Variants in MDGA2 observed in about 807,000 individuals in gnomAD.
The protein encoded by MDGA2 is MAM domain-containing glycosylphosphatidylinositol anchor protein 2.
MDGA2 carries 40 observed loss-of-function variants against 117.8 expected under a neutral mutation model. The ratio of observed to expected loss-of-function variants is 0.34; its 90% confidence interval spans 0.26 to 0.44. The LOEUF (loss-of-function observed/expected upper bound fraction) is 0.44. Ranked by LOEUF, MDGA2 falls within the 20% of genes least tolerant of loss-of-function variation. The pLI is 1.00. For synonymous variants in MDGA2, 452 were observed against 439.0 expected, an observed-to-expected ratio of 1.03 and a Z score of -0.37; for missense variants, 1,123 against 1,250.6, an observed-to-expected ratio of 0.90 and a Z score of 1.54.
chr14:47,035,699 C>A (rs1483776812), intron 7 of MDGA2, among the ~76,000 whole-genome samples: 1 of 152,048 alleles, frequency 6.6e-6, no homozygotes, highest in Admixed American at 6.6e-5. Context: ...AAAAGAGAAA[C>A]CTCTGATCTA....
intron 1 of MDGA2, among the ~76,000 whole-genome samples, chr14:47,604,866 T>C (rs1231027791): frequency 6.6e-6 from 1 of 152,104 alleles, no homozygotes; most frequent in African/African-American, 2.4e-5. Context: ...GAGGCTGAAA[T>C]GCCACATAGA....
chr14:47,522,461 AATAATTTTAT>A, intron 1 of MDGA2, among the ~76,000 whole-genome samples: 1 of 152,212 alleles, frequency 6.6e-6, no homozygotes, highest in South Asian at 2.1e-4. Flanking sequence ...TTCTGCTTTA[AATAATTTTAT>A]ACATGCAGTT....
intron 1 of MDGA2, among the ~76,000 whole-genome samples, chr14:47,438,848 C>A (rs2138542498): frequency 6.6e-6 from 1 of 152,248 alleles, no homozygotes; most frequent in Non-Finnish European, 1.5e-5. Flanking sequence ...AAAAAAGTCT[C>A]TCTCTGCTTC....
chr14:47,270,083 G>T (rs1888096745), intron 2 of MDGA2, among the ~76,000 whole-genome samples: 1 of 152,128 alleles, frequency 6.6e-6, no homozygotes, highest in Admixed American at 6.5e-5. Flanking sequence ...GCTGCTGTGG[G>T]GTTGATCTCA....
At chr14:46,894,751 T>A (rs1035430260) in intron 10 of MDGA2, among the ~76,000 whole-genome samples, 1 of 152,152 alleles carries the variant, frequency 6.6e-6, no homozygotes, top group African/African-American at 2.4e-5. Context: ...ATTACTCCCA[T>A]CTGTTAAAGC....
At chr14:47,645,110 T>C (rs971673281) in intron 1 of MDGA2, among the ~76,000 whole-genome samples, 2 of 152,186 alleles carry the variant, frequency 1.3e-5, no homozygotes, top group Admixed American at 6.5e-5. Flanking sequence ...TTCTGACTTC[T>C]AGAACTTAAG....
At chr14:47,430,001 G>A (rs983282560) in intron 1 of MDGA2, among the ~76,000 whole-genome samples, 2 of 149,450 alleles carry the variant, frequency 1.3e-5, no homozygotes, top group Non-Finnish European at 3.0e-5. Context: ...AGTCCCTGAG[G>A]TGGGAAAGAG....
chr14:47,046,059 C>T (rs951628210), intron 7 of MDGA2, among the ~76,000 whole-genome samples: 5 of 150,770 alleles, frequency 3.3e-5, no homozygotes, highest in South Asian at 4.2e-4. Flanking sequence ...TGCTAAATGA[C>T]GAGTTAATGG....
At chr14:47,355,539 A>T (rs1890974753) in intron 1 of MDGA2, among the ~76,000 whole-genome samples, 1 of 152,098 alleles carries the variant, frequency 6.6e-6, no homozygotes, top group Non-Finnish European at 1.5e-5. Context: ...GTACCAGAAA[A>T]GGACCCTATA....
At position 46,971,023 on chromosome 14, in the gene MDGA2, AC is replaced by A. The variant is rs112007749; in HGVS notation, c.1820-13381del. 3.6e-3 allele frequency among the ~76,000 whole-genome samples: 542 copies of A among 152,214 alleles called. 6 individuals are homozygous for A. The highest frequency in any genetic ancestry group is 0.012 in the African/African-American group (513 of 41,540). Reference sequence around the variant, plus strand: ...CCTTACCCCAGTTAGAATGGCTATTACTAAAAAGACAAAAAACAAAACAAAA... The same window carrying A: ...CCTTACCCCAGTTAGAATGGCTATTATAAAAAGACAAAAAACAAAACAAAA... On this transcript the variant is annotated intron_variant, in intron 8 of 16. Coordinates refer to ENST00000399232, the MANE Select transcript of MDGA2 (RefSeq NM_001113498.3).
rs548556679 is a variant in MDGA2 at position 46,840,253 on chromosome 14, C to T, written c.*1678G>A. ...GCTTTTATATTAATATTTGCAAATG[C>T]TATAATTTAATACTTATATTCCAAT... On this transcript the variant is annotated 3_prime_UTR_variant, in exon 17 of 17. Coordinates refer to ENST00000399232, the MANE Select transcript of MDGA2 (RefSeq NM_001113498.3). 150 of 152,462 alleles carry T rather than the reference C, an allele frequency of 9.8e-4. No homozygotes were observed. Among genetic ancestry groups the T allele is most frequent in the Non-Finnish European group, 1.6e-3 (106 of 67,922 alleles). The allele number at this position is 152,462 out of a possible 1,614,324, so 9.4% of individuals were successfully genotyped here. A position where few individuals can be genotyped will look rare whatever the true frequency, so the allele number is the denominator to read the frequency against.
chr14:47,498,637 G>A (rs1015323960), intron 1 of MDGA2, among the ~76,000 whole-genome samples: 3 of 151,814 alleles, frequency 2.0e-5, no homozygotes, highest in African/African-American at 4.8e-5. Flanking sequence ...ACTCAAGTCA[G>A]GAAAAAAATA....
In MDGA2 at chr14:47,158,357, G is replaced by GGGGT. The variant is rs1317221076; in HGVS notation, c.596-14087_596-14084dup. Among the ~76,000 whole-genome samples the GGGGT allele has an allele frequency of 2.4e-4, 31 of 127,768 alleles. 1 individual carries two copies. Among genetic ancestry groups the GGGGT allele is most frequent in the African/African-American group, 7.8e-4 (26 of 33,536 alleles). 83.8% of individuals were successfully genotyped at this position (127,768 alleles called of 152,430 possible). A position where few individuals can be genotyped will look rare whatever the true frequency, so the allele number is the denominator to read the frequency against. ...GGCACATTTCTCAGAACATATCCCT[G>GGGGT]GGGTGGGTGTGTGTGTGTGTGTGTG... On this transcript the variant is annotated intron_variant, in intron 3 of 16. Transcript: ENST00000399232.
In MDGA2 at chr14:46,902,064, CTTA is replaced by C. The variant is rs554780146; in HGVS notation, c.2238+17945_2238+17947del. ...CCCTTTTAGGGATATAAAACCATGACTTATTATTTGCCCTCATTTTCCCCTTGT... is the reference window on the plus strand; with the variant it reads ...CCCTTTTAGGGATATAAAACCATGACTTATTTGCCCTCATTTTCCCCTTGT... On this transcript the variant is annotated intron_variant, in intron 10 of 16. Coordinates refer to ENST00000399232, the MANE Select transcript of MDGA2 (RefSeq NM_001113498.3). 4.6e-5 allele frequency among the ~76,000 whole-genome samples: 7 copies of C among 152,244 alleles called. No individual in the cohort carries two copies. The East Asian group carries it at 7.7e-4, about 17-fold the overall frequency.
intron 8 of MDGA2, among the ~76,000 whole-genome samples, chr14:46,966,569 C>G (rs944931084): frequency 9.9e-5 from 15 of 152,126 alleles, no homozygotes; most frequent in African/African-American, 3.6e-4. Flanking sequence ...GAATCAAATT[C>G]AAACTGCAGT....
At chr14:47,183,262 C>T (rs1304432177) in intron 3 of MDGA2, among the ~76,000 whole-genome samples, 1 of 152,078 alleles carries the variant, frequency 6.6e-6, no homozygotes, top group Admixed American at 6.6e-5. Context: ...AGTTGAACCT[C>T]TAAGTATCTC....
At chr14:46,993,676 G>C (rs193037407) in intron 8 of MDGA2, among the ~76,000 whole-genome samples, 10 of 152,024 alleles carry the variant, frequency 6.6e-5, no homozygotes, top group Non-Finnish European at 1.2e-4. Flanking sequence ...GGCCAGGCTG[G>C]TCTTGAACTC....
At chr14:47,582,767 G>C (rs1475063688) in intron 1 of MDGA2, among the ~76,000 whole-genome samples, 5 of 151,658 alleles carry the variant, frequency 3.3e-5, no homozygotes, top group African/African-American at 1.2e-4. Flanking sequence ...GTTTTCCTTG[G>C]GGTTTGTTTA....
intron 9 of MDGA2, among the ~76,000 whole-genome samples, chr14:46,933,825 T>TATATAC (rs1282120057): frequency 3.3e-5 from 2 of 60,630 alleles, no homozygotes; most frequent in African/African-American, 9.0e-5. Flanking sequence ...TATATATATA[T>TATATAC]ATATATATAT....
Sources: allele counts gnomAD v4.1 joint callset (sites outside exome capture counted in the v4.1 genomes callset), GRCh38; gene constraint gnomAD v4.1.1; transcripts MANE v1.5; gene names NCBI Gene and HGNC (gene_info 2026-07-23, HGNC 2026-07-21).